The following DOCK6 variants were observed in gnomAD, a reference collection of about 807,000 sequenced individuals.
DOCK6 encodes dedicator of cytokinesis protein 6.
DOCK6 carries 167 observed loss-of-function variants against 230.3 expected under a neutral mutation model. The observed-to-expected ratio is 0.73, with a 90% CI of 0.64 to 0.82. The LOEUF (loss-of-function observed/expected upper bound fraction) is 0.82. Ranked by LOEUF, DOCK6 falls within the 40% of genes least tolerant of loss-of-function variation. The probability of loss-of-function intolerance (pLI) is 0.00; values close to 1 mark genes in which losing one functional copy is unlikely to be tolerated. For missense variants in DOCK6, 2,598 were observed against 2,825.8 expected (o/e 0.92, Z 1.83); for synonymous variants, 1,148 against 1,185.0 (o/e 0.97, Z 0.64).
intron 22 of DOCK6, chr19:11,232,153 C>T: frequency 7.9e-7 from 1 of 1,273,754 alleles, no homozygotes; most frequent in Non-Finnish European, 1.0e-6. Context: ...GAGGTGGTGT[C>T]ACATGAGTGC....
At position 11,245,935 on chromosome 19, in the gene DOCK6, C is replaced by T. The variant is rs1026894988; in HGVS notation, c.807-57G>A. ...TTAACACTTCCCGCTGTCCACACAC[C>T]CCACTCCCTCTTGAGGCCCAAGGTG... On this transcript the variant is annotated intron_variant, in intron 7 of 47. Coordinates refer to ENST00000294618, the MANE Select transcript of DOCK6 (RefSeq NM_020812.4). 45 of 1,545,074 alleles carry T rather than the reference C, an allele frequency of 2.9e-5. No individual in the cohort carries two copies. In the Admixed American group the frequency reaches 8.6e-4, roughly 30 times the overall value.
At chr19:11,254,331 G>C (rs1296973095) in intron 1 of DOCK6, among the ~76,000 whole-genome samples, 1 of 152,196 alleles carries the variant, frequency 6.6e-6, no homozygotes, top group Non-Finnish European at 1.5e-5. Context: ...GGCCTTCTAA[G>C]TAACCCCAAG....
chr19:11,262,428 C>T lies in DOCK6; in HGVS notation c.13G>A (p.Glu5Lys). ...ATCTTGTGCGCGAAGGCGCGGCGCT[C>T]GGAGGCAGCCATGGTCCTCGCGTCC... MAAS[E>K]RRAFAHKINR... The change falls in exon 1 of 48, where the codon GAG becomes AAG. Residue 5 changes from glutamate (E) to lysine (K), a missense_variant. By Grantham distance (56) the Glu-to-Lys change is moderately conservative. Coordinates refer to ENST00000294618, the MANE Select transcript of DOCK6 (RefSeq NM_020812.4). The T allele has an allele frequency of 8.0e-7, 1 of 1,253,972 alleles. No individual in the cohort carries two copies. The highest frequency in any genetic ancestry group is 3.3e-5 in the East Asian group (1 of 30,524). The allele number at this position is 1,253,972 out of a possible 1,614,324, so 77.7% of individuals were successfully genotyped here.
At position 11,211,838 on chromosome 19, in the gene DOCK6, C is replaced by A; in HGVS notation, c.4689G>T (p.Thr1563=). The A allele has an allele frequency of 6.4e-7, 1 of 1,552,580 alleles. No individual in the cohort carries two copies. Among genetic ancestry groups the A allele is most frequent in the East Asian group, 2.4e-5 (1 of 41,054 alleles). The change falls in exon 37 of 48, where the codon ACG becomes ACT. Residue 1563 remains threonine, a synonymous_variant. Transcript: ENST00000294618. The part of the protein sequence containing the change: ...DLMFNLHMIL[T]DTVKMKEHQE... ...GGTGTTCCTTCATCTTCACCGTGTC[C>A]GTCAGGATCATGTGCAGGTTGAACA...
intron 39 of DOCK6, among the ~76,000 whole-genome samples, chr19:11,207,152 G>A (rs1600852429): frequency 6.6e-6 from 1 of 151,878 alleles, no homozygotes; most frequent in African/African-American, 2.4e-5. Context: ...CTTTAAGCTG[G>A]AGCTTCTCCA....
rs199846066 is a variant in DOCK6, at chr19:11,228,964, G to A, written c.2790C>T (p.His930=). 375 of 1,613,810 alleles carry A rather than the reference G, an allele frequency of 2.3e-4. No homozygotes were observed. Among genetic ancestry groups the A allele is most frequent in the Admixed American group, 4.5e-4 (27 of 60,014 alleles). ...SSAVREAILQ[H]AWFFFQLMVK... ...CCATGAGCTGGAAGAAGAACCAGGCGTGCTGGAGGATGGCCTCGCGTACGG... is the reference window on the plus strand; with the variant it reads ...CCATGAGCTGGAAGAAGAACCAGGCATGCTGGAGGATGGCCTCGCGTACGG... The change falls in exon 23 of 48, where the codon CAC becomes CAT. Residue 930 remains histidine (H), a synonymous_variant. Transcript: ENST00000294618.
Position 11,204,194 on chromosome 19 carries a change from G to A in DOCK6, c.5220+6C>T, listed in dbSNP as rs1318947238. On this transcript the variant is annotated splice_donor_region_variant and intron_variant, in intron 40 of 47. Transcript: ENST00000294618. ...GTGGGGTCTGGGGAGGGGGTCCTGG[G>A]CCCACCTGGTGCATGATCTTGGTGA... 1.3e-6 allele frequency: 2 copies of A among 1,551,328 alleles called. No individual in the cohort carries two copies. The highest frequency in any genetic ancestry group is 1.7e-6 in the Non-Finnish European group (2 of 1,146,350).
rs1420995210 is a variant in DOCK6, at chr19:11,202,941, A to G, written c.5236-232T>C. Among the ~76,000 whole-genome samples the G allele has an allele frequency of 6.6e-6, 1 of 152,176 alleles. No individual in the cohort carries two copies. The highest frequency in any genetic ancestry group is 1.5e-5 in the Non-Finnish European group (1 of 68,028). On this transcript the variant is annotated intron_variant, in intron 41 of 47. Coordinates refer to ENST00000294618, the MANE Select transcript of DOCK6 (RefSeq NM_020812.4). The surrounding 1 kb of genome is among the most constrained non-coding windows in gnomAD (Gnocchi z 5.3). Reference sequence around the variant, plus strand: ...CCCTAATGCCCGTGGGACAGGGTATACAGCAGGTACCCAATACATGCATAG... The same window carrying G: ...CCCTAATGCCCGTGGGACAGGGTATGCAGCAGGTACCCAATACATGCATAG...
chr19:11,203,797 G>C, intron 41 of DOCK6: 1 of 547,878 alleles, frequency 1.8e-6, no homozygotes. Context: ...GAGTCACCCC[G>C]CCACCCCCCT....
chr19:11,235,699 C>G lies in DOCK6; in HGVS notation c.2453G>C (p.Ser818Thr). Residue 818 changes from serine (S) to threonine (T), a missense_variant, in exon 21 of 48, where the codon AGC becomes ACC. Ser to Thr is a moderately conservative substitution (Grantham distance 58, BLOSUM62 1). Coordinates refer to ENST00000294618, the MANE Select transcript of DOCK6 (RefSeq NM_020812.4). ...MAHVVSLVHR[S>T]LEAAQDARGH... ...GCGGGCATCCTGGGCTGCCTCCAGG[C>G]TCCGGTGAACAAGGCTGACTACATG... The G allele has an allele frequency of 1.9e-6, 3 of 1,600,992 alleles. No homozygotes were observed. Among genetic ancestry groups the G allele is most frequent in the Non-Finnish European group, 2.6e-6 (3 of 1,173,660 alleles).
chr19:11,229,499 GT>G, intron 22 of DOCK6: 1 of 420,806 alleles, frequency 2.4e-6, no homozygotes. Context: ...AAAGAGGTAG[GT>G]TAGTGTGAAT....
At chr19:11,215,656 A>G in intron 31 of DOCK6, 145 bp downstream of exon 31, 11 of 1,413,192 alleles carry the variant, frequency 7.8e-6, no homozygotes, top group African/African-American at 2.8e-5. Flanking sequence ...GCACAGGCGC[A>G]TGTGTACGGT....
chr19:11,204,311 C>T lies in DOCK6; in HGVS notation c.5109G>A (p.Val1703=). ...GGATGAGGTTCTTGTAGACCTCATT[C>T]ACCGCCTCGTAGAGCCCGCCCTGAG... is the stretch of plus-strand genomic sequence containing the variant. ...YFTMGGLYEA[V]NEVYKNLIPI... Residue 1703 remains valine (V), a synonymous_variant, in exon 40 of 48, where the codon GTG becomes GTA. Coordinates refer to ENST00000294618, the MANE Select transcript of DOCK6 (RefSeq NM_020812.4). 6.2e-7 allele frequency: 1 copy of T among 1,611,610 alleles called. No homozygotes were observed.
intron 2 of DOCK6, 88 bp from the exon 3 acceptor site, chr19:11,253,046 A>C (rs886652242): frequency 7.5e-7 from 1 of 1,337,212 alleles, no homozygotes; most frequent in Non-Finnish European, 1.0e-6. Context: ...GCTGGCTTCA[A>C]ACTCAAATAG....
chr19:11,215,201 C>T (rs912977153), intron 32 of DOCK6, among the ~76,000 whole-genome samples, 186 bp downstream of exon 32: 10 of 152,086 alleles, frequency 6.6e-5, no homozygotes, highest in Non-Finnish European at 1.2e-4. Context: ...CCTCGGCCTC[C>T]CAAAGTGCTG....
chr19:11,238,224 T>C lies in DOCK6; in HGVS notation c.1724A>G (p.Gln575Arg). The change falls in exon 15 of 48, where the codon CAG (glutamine) becomes CGG (arginine). Residue 575 changes from glutamine (Q) to arginine (R), a missense_variant. Gln to Arg is a conservative substitution (Grantham distance 43). Transcript: ENST00000294618. ...GCTGGGGTCCTCGCCTGTCATGTAC[T>C]GCACTCGCACAGCAAGGTTGCGCAC... ...GSVRNLAVRVQYMTGEDPSQA... is the reference protein window; with the variant it reads ...GSVRNLAVRVRYMTGEDPSQA... The C allele has an allele frequency of 1.9e-6, 3 of 1,613,662 alleles. No individual in the cohort carries two copies. Among genetic ancestry groups the C allele is most frequent in the South Asian group, 2.2e-5 (2 of 91,082 alleles).
chr19:11,213,647 CTT>C (rs2079431497), intron 34 of DOCK6, among the ~76,000 whole-genome samples: 2 of 141,078 alleles, frequency 1.4e-5, no homozygotes. Context: ...GAGTTTTGCT[CTT>C]GTCTCCCAGG....
At chr19:11,235,812 C>T (rs919318578) in intron 20 of DOCK6, 53 bp from the exon 21 acceptor site, 20 of 1,525,538 alleles carry the variant, frequency 1.3e-5, no homozygotes, top group African/African-American at 2.8e-5. Context: ...CTCACCTCCC[C>T]GCCCACTTTC....
In DOCK6 at chr19:11,216,987, G is replaced by A; in HGVS notation, c.3821C>T (p.Thr1274Ile). The A allele has an allele frequency of 6.2e-7, 1 of 1,613,700 alleles. No individual in the cohort carries two copies. Among genetic ancestry groups the A allele is most frequent in the Non-Finnish European group, 8.5e-7 (1 of 1,179,896 alleles). The change falls in exon 30 of 48, where the codon ACT (threonine) becomes ATT (isoleucine). Residue 1274 changes from threonine to isoleucine, a missense_variant. Coordinates refer to ENST00000294618, the MANE Select transcript of DOCK6 (RefSeq NM_020812.4). The part of the protein sequence containing the change: ...TEPALLQRWA[T>I]DLTLPQLGRL... The stretch of plus-strand genomic sequence containing the variant: ...TCCCAGCTGGGGGAGTGTCAGGTCA[G>A]TGGCCCAGCGCTGCAGGAGCGCCGG...
Sources: gnomAD v4.1 joint callset for allele counts (sites outside exome capture counted in the v4.1 genomes callset) on GRCh38, gnomAD v4.1.1 for gene constraint, Gnocchi (gnomAD v3.1) non-coding constraint, MANE v1.5 for transcripts, NCBI Gene and HGNC (gene_info 2026-07-23, HGNC 2026-07-21) for gene names.